The following VPS13B variants were observed in gnomAD, a reference collection of about 807,000 sequenced individuals.
VPS13B encodes the protein vacuolar protein sorting 13 homolog B.
Under a neutral mutation model 426.4 loss-of-function variants are expected in VPS13B, and 285 were observed. The ratio of observed to expected loss-of-function variants is 0.67; its 90% CI spans 0.61 to 0.74. The LOEUF (loss-of-function observed/expected upper bound fraction) is 0.74. Ranked by LOEUF, VPS13B falls within the 30% of genes least tolerant of loss-of-function variation. VPS13B has a pLI of 0.00. For missense variants in VPS13B, 4,537 were observed against 4,782.6 expected (o/e 0.95, Z 1.51); for synonymous variants, 1,676 against 1,676.4 (o/e 1.00, Z 0.01).
chr8:99,282,440 A>G (rs1819217458), intron 19 of VPS13B, among the ~76,000 whole-genome samples: 1 of 152,188 alleles, frequency 6.6e-6, no homozygotes, highest in Non-Finnish European at 1.5e-5. Context: ...TGCTACTTGG[A>G]AACCGTGGAT....
chr8:99,717,327 A>G lies in VPS13B; in HGVS notation c.6611A>G (p.Gln2204Arg). The G allele has an allele frequency of 6.2e-7, 1 of 1,614,094 alleles. No homozygotes were observed. The highest frequency in any genetic ancestry group is 8.5e-7 in the Non-Finnish European group (1 of 1,179,988). ...CKHSGNPGPE[Q>R]SIPKISIDLR... ...CACAGCGGGAATCCAGGCCCAGAAC[A>G]ATCCATACCAAAAATATCCATTGAC... Residue 2204 changes from glutamine to arginine, a missense_variant, in exon 37 of 62, where the codon CAA becomes CGA. Gln to Arg is a conservative substitution (Grantham distance 43). This residue lies in a region of VPS13B where 4,311 missense variants were observed against 4,474.3 expected (regional missense o/e 0.96). Transcript: ENST00000357162.
intron 17 of VPS13B, among the ~76,000 whole-genome samples, chr8:99,273,957 T>C (rs1818752813): frequency 6.6e-6 from 1 of 152,230 alleles, no homozygotes; most frequent in African/African-American, 2.4e-5. Flanking sequence ...TTTACTTTTA[T>C]TTCTTGAGCT....
intron 17 of VPS13B, among the ~76,000 whole-genome samples, chr8:99,216,999 C>T (rs944602227): frequency 6.6e-6 from 1 of 152,054 alleles, no homozygotes; most frequent in Non-Finnish European, 1.5e-5. Context: ...AAAAATGGCA[C>T]ATTAGCTTTT....
chr8:99,834,878 A>G (rs1043970471), intron 52 of VPS13B, among the ~76,000 whole-genome samples: 2 of 152,208 alleles, frequency 1.3e-5, no homozygotes, highest in Admixed American at 1.3e-4. Context: ...CTTTTAAGGA[A>G]GAAGAAAGTA....
At chr8:99,205,445 T>C (rs1814647257) in intron 17 of VPS13B, among the ~76,000 whole-genome samples, 1 of 152,198 alleles carries the variant, frequency 6.6e-6, no homozygotes. Context: ...ATGGTACGTG[T>C]ATACCTTTGT....
chr8:99,096,403 C>CT lies in VPS13B; in HGVS notation c.384dup (p.Ala129CysfsTer6). On this transcript the variant is annotated frameshift_variant, in exon 4 of 62. Coordinates refer to ENST00000357162, the MANE Select transcript of VPS13B (RefSeq NM_152564.5). LOFTEE classifies it high-confidence loss of function. The stretch of plus-strand genomic sequence containing the variant: ...ATCAAACCGCGGAGAATGCAGCAGG[C>CT]TGCTCCTACAGATCCTGACTTACCA... The CT allele has an allele frequency of 6.2e-7, 1 of 1,614,088 alleles. No homozygotes were observed. The highest frequency in any genetic ancestry group is 2.2e-5 in the East Asian group (1 of 44,874).
intron 4 of VPS13B, among the ~76,000 whole-genome samples, 172 bp from the exon 5 acceptor site, chr8:99,102,781 T>A (rs1846827489): frequency 6.6e-6 from 1 of 152,194 alleles, no homozygotes; most frequent in East Asian, 1.9e-4. Context: ...CTGCTACTTA[T>A]TACCTGTGTC....
chr8:99,676,670 C>T (rs1830946245), intron 35 of VPS13B, among the ~76,000 whole-genome samples: 1 of 151,764 alleles, frequency 6.6e-6, no homozygotes, highest in African/African-American at 2.4e-5. Flanking sequence ...TCGCTCACCT[C>T]ATTTCTTTAG....
chr8:99,642,506 C>A lies in VPS13B; in HGVS notation c.5908+8C>A. 1 of 1,607,354 alleles carries A rather than the reference C, an allele frequency of 6.2e-7. No homozygotes were observed. Among genetic ancestry groups the A allele is most frequent in the Non-Finnish European group, 8.5e-7 (1 of 1,176,896 alleles). On this transcript the variant is annotated splice_region_variant and intron_variant, in intron 34 of 61. Coordinates refer to ENST00000357162, the MANE Select transcript of VPS13B (RefSeq NM_152564.5). ...CTGATTACAAATGTATAGGTAAGAA[C>A]CTTCAAACTTACTGGAGTGCTAATA...
intron 37 of VPS13B, among the ~76,000 whole-genome samples, chr8:99,717,977 C>G (rs553077496): frequency 1.8e-4 from 28 of 152,258 alleles, no homozygotes; most frequent in African/African-American, 6.7e-4. Flanking sequence ...AATAATGCTG[C>G]CATGACCATT....
intron 36 of VPS13B, among the ~76,000 whole-genome samples, chr8:99,705,375 G>T (rs1195494977): frequency 6.6e-6 from 1 of 152,088 alleles, no homozygotes; most frequent in Non-Finnish European, 1.5e-5. Context: ...ATGAGATACT[G>T]TAATTCTCCT....
chr8:99,483,653 A>G (rs540946450), intron 25 of VPS13B, among the ~76,000 whole-genome samples: 1 of 152,192 alleles, frequency 6.6e-6, no homozygotes, highest in African/African-American at 2.4e-5. Context: ...AGTGGCTGAA[A>G]GGAGAGTGTT....
At chr8:99,670,179 G>T (rs1311007189) in intron 35 of VPS13B, among the ~76,000 whole-genome samples, 1 of 152,020 alleles carries the variant, frequency 6.6e-6, no homozygotes, top group South Asian at 2.1e-4. Flanking sequence ...ATATCTGAAG[G>T]TAACTGATTC....
intron 19 of VPS13B, among the ~76,000 whole-genome samples, chr8:99,329,578 T>A (rs1810450450): frequency 6.6e-6 from 1 of 152,068 alleles, no homozygotes; most frequent in Admixed American, 6.6e-5. Flanking sequence ...ATAAAATTGA[T>A]CTTTTTGAGT....
Position 99,642,230 on chromosome 8 carries a change from T to A in VPS13B, c.5640T>A (p.Ile1880=). 2 of 1,614,166 alleles carry A rather than the reference T, an allele frequency of 1.2e-6. No individual in the cohort carries two copies. Among genetic ancestry groups the A allele is most frequent in the Non-Finnish European group, 1.7e-6 (2 of 1,180,024 alleles). Residue 1880 remains isoleucine, a synonymous_variant, in exon 34 of 62, where the codon ATT becomes ATA. Coordinates refer to ENST00000357162, the MANE Select transcript of VPS13B (RefSeq NM_152564.5). ...VTAEDLLRSS[I]SFPSGKKIGV... ...CAGAAGATCTCTTAAGGAGCAGCAT[T>A]TCTTTTCCTTCAGGGAAAAAAATAG...
intron 19 of VPS13B, among the ~76,000 whole-genome samples, chr8:99,380,150 C>T (rs1044529481): frequency 6.6e-6 from 1 of 152,186 alleles, no homozygotes; most frequent in East Asian, 1.9e-4. Context: ...TCTTGTTAGT[C>T]TGTGGAGATG....
intron 35 of VPS13B, among the ~76,000 whole-genome samples, chr8:99,670,493 C>A (rs1830668880): frequency 6.6e-6 from 1 of 151,840 alleles, no homozygotes; most frequent in Non-Finnish European, 1.5e-5. Context: ...TGGTGAGAAC[C>A]CATAAGATCT....
chr8:99,543,482 A>G (rs1823754786), intron 30 of VPS13B, among the ~76,000 whole-genome samples: 1 of 151,896 alleles, frequency 6.6e-6, no homozygotes, highest in South Asian at 2.1e-4. Flanking sequence ...TAAACTAAAG[A>G]GCTTCTGCAC....
chr8:99,268,842 C>A (rs1818434753), intron 17 of VPS13B, among the ~76,000 whole-genome samples: 1 of 152,064 alleles, frequency 6.6e-6, no homozygotes. Context: ...TGTCTCCACC[C>A]AAATCTCATC....
Sources: gnomAD v4.1 joint callset for allele counts (sites outside exome capture counted in the v4.1 genomes callset) on GRCh38, gnomAD v4.1.1 for gene constraint, gnomAD v4.1.1 regional missense constraint, MANE v1.5 for transcripts, NCBI Gene and HGNC (gene_info 2026-07-23, HGNC 2026-07-21) for gene names.